RARB: variants seen among roughly 807,000 people sequenced by gnomAD.
RARB encodes the protein HBV-activated protein.
A neutral mutation model predicts 51.9 loss-of-function variants in RARB; 17 were observed. The ratio of observed to expected loss-of-function variants is 0.33; its 90% CI spans 0.22 to 0.49. The LOEUF (loss-of-function observed/expected upper bound fraction) is 0.49, where lower values mean the gene tolerates loss of function less well. Among genes scored for constraint, RARB ranks in the 20% least tolerant of loss-of-function variants. RARB has a pLI of 0.99. For missense variants in RARB, 369 were observed against 550.8 expected (o/e 0.67, Z 3.30); for synonymous variants, 215 against 195.4 (o/e 1.10, Z -0.84).
intron 3 of RARB, among the ~76,000 whole-genome samples, chr3:25,120,594 T>C (rs1699768868): frequency 6.6e-6 from 1 of 151,146 alleles, no homozygotes; most frequent in South Asian, 2.1e-4. Flanking sequence ...ATTTTCTGAA[T>C]GTGCAGTTCA....
At chr3:25,147,526 C>G (rs769041809) in intron 4 of RARB, among the ~76,000 whole-genome samples, 4 of 152,108 alleles carry the variant, frequency 2.6e-5, no homozygotes, top group Non-Finnish European at 5.9e-5. Flanking sequence ...ATCTCATTTT[C>G]AAAATAAGAA....
At chr3:25,063,324 C>T (rs926519358) in intron 3 of RARB, among the ~76,000 whole-genome samples, 1 of 151,994 alleles carries the variant, frequency 6.6e-6, no homozygotes, top group Non-Finnish European at 1.5e-5. Flanking sequence ...GGTGTTATGT[C>T]TTCTGTATCT....
chr3:25,466,648 C>T (rs1009441222), intron 2 of RARB, among the ~76,000 whole-genome samples: 4 of 152,202 alleles, frequency 2.6e-5, no homozygotes, highest in African/African-American at 9.7e-5. Context: ...TCAAGGCTCA[C>T]ATTAAGACCC....
chr3:25,120,362 G>A (rs1310437156), intron 3 of RARB, among the ~76,000 whole-genome samples: 2 of 152,094 alleles, frequency 1.3e-5, no homozygotes, highest in East Asian at 3.9e-4. Flanking sequence ...ATAAGGGAAG[G>A]TAGGTAGAGT....
chr3:25,402,800 G>C (rs1482854412), intron 5 of RARB, among the ~76,000 whole-genome samples: 1 of 152,088 alleles, frequency 6.6e-6, no homozygotes, highest in Admixed American at 6.6e-5. Flanking sequence ...TGGTCACCAG[G>C]GGCTAAGAGT....
chr3:24,859,637 A>G (rs753043376), intron 2 of RARB, among the ~76,000 whole-genome samples: 1 of 152,216 alleles, frequency 6.6e-6, no homozygotes, highest in Admixed American at 6.5e-5. Flanking sequence ...AAGGTTTTCC[A>G]GGGTAAAATA....
chr3:25,323,832 A>G (rs1480496413), intron 5 of RARB, among the ~76,000 whole-genome samples: 1 of 152,200 alleles, frequency 6.6e-6, no homozygotes, highest in Non-Finnish European at 1.5e-5. Context: ...TCAAAACCCA[A>G]GAAGACTTCC....
At chr3:25,563,942 T>G (rs1383104511) in intron 3 of RARB, among the ~76,000 whole-genome samples, 2 of 122,776 alleles carry the variant, frequency 1.6e-5, no homozygotes, top group African/African-American at 6.8e-5. Context: ...ATCAATTGTA[T>G]TTTCCTTTTT....
At chr3:25,574,126 AACC>A (rs1337468959) in intron 4 of RARB, among the ~76,000 whole-genome samples, 1 of 152,194 alleles carries the variant, frequency 6.6e-6, no homozygotes, top group Non-Finnish European at 1.5e-5. Context: ...ATCAGGACTG[AACC>A]AGAGGTAACA....
chr3:25,474,650 A>T (rs1165743663), intron 2 of RARB, among the ~76,000 whole-genome samples: 2 of 152,198 alleles, frequency 1.3e-5, no homozygotes, highest in African/African-American at 2.4e-5. Context: ...ATGCTTGAAT[A>T]TCTTTTAGTA....
At chr3:25,100,902 C>G (rs1559466381) in intron 3 of RARB, among the ~76,000 whole-genome samples, 1 of 152,178 alleles carries the variant, frequency 6.6e-6, no homozygotes, top group Non-Finnish European at 1.5e-5. Flanking sequence ...CAAGTCCATT[C>G]ATTAATCTTA....
chr3:24,979,826 T>A (rs534783954), intron 2 of RARB, among the ~76,000 whole-genome samples: 153 of 152,286 alleles, frequency 1.0e-3, no homozygotes, highest in Middle Eastern at 3.4e-3. Flanking sequence ...ACGATGCTAG[T>A]TGGTTATTTC....
intron 2 of RARB, among the ~76,000 whole-genome samples, chr3:25,006,876 A>AT (rs746779602): frequency 6.6e-6 from 1 of 152,122 alleles, no homozygotes; most frequent in Admixed American, 6.6e-5. Flanking sequence ...TTAACAACAA[A>AT]TTTTTTATGT....
In RARB at chr3:24,970,407, T is replaced by C. The variant is rs1382577494; in HGVS notation, c.-379-89718T>C. Among the ~76,000 whole-genome samples the C allele has an allele frequency of 2.0e-5, 3 of 152,170 alleles. No individual in the cohort carries two copies. In the East Asian group the frequency reaches 5.8e-4, roughly 29 times the overall value. ...AGATAACCAGACAAGAAGACAATTC[T>C]GTCTTCTTTATAATTAGTCCATACT... On this transcript the variant is annotated intron_variant, in intron 2 of 11. Coordinates refer to the RARB transcript ENST00000383772.
chr3:25,509,273 T>C (rs1697766804), intron 3 of RARB, among the ~76,000 whole-genome samples: 1 of 152,228 alleles, frequency 6.6e-6, no homozygotes, highest in South Asian at 2.1e-4. Flanking sequence ...CAGGATTGTT[T>C]TGTGGATTGG....
At chr3:25,496,683 G>A (rs535183932) in intron 2 of RARB, among the ~76,000 whole-genome samples, 1 of 152,304 alleles carries the variant, frequency 6.6e-6, no homozygotes, top group East Asian at 1.9e-4. Context: ...AACATGGAAG[G>A]AAAAGCAAAA....
intron 2 of RARB, among the ~76,000 whole-genome samples, chr3:25,036,891 T>A (rs756488891): frequency 6.6e-6 from 1 of 152,198 alleles, no homozygotes; most frequent in South Asian, 2.1e-4. Flanking sequence ...TTTACAGAAT[T>A]GAGTTTTTTC....
chr3:25,070,849 T>C lies in RARB; in HGVS notation c.-328+10673T>C, dbSNP rs1331116688. ...TCCATGGCCATCTACAACTTTAACA[T>C]GCCCAGTGTACTAGTACTGGTGTCT... On this transcript the variant is annotated intron_variant, in intron 3 of 11. Coordinates refer to the RARB transcript ENST00000383772. 2.0e-5 allele frequency among the ~76,000 whole-genome samples: 3 copies of C among 152,210 alleles called. No individual in the cohort carries two copies. In the East Asian group the frequency reaches 5.8e-4, roughly 29 times the overall value.
At chr3:25,149,975 G>A (rs1469747319) in intron 4 of RARB, among the ~76,000 whole-genome samples, 3 of 152,108 alleles carry the variant, frequency 2.0e-5, no homozygotes, top group Admixed American at 2.0e-4. Flanking sequence ...GCCGAGGTAG[G>A]TGGATCACCT....
Sources: allele counts gnomAD v4.1 joint callset (sites outside exome capture counted in the v4.1 genomes callset), GRCh38; gene constraint gnomAD v4.1.1; transcripts MANE v1.5; gene names NCBI Gene and HGNC (gene_info 2026-07-23, HGNC 2026-07-21).